CTNNA2: variants seen among roughly 807,000 people sequenced by gnomAD.
The protein encoded by CTNNA2 is catenin alpha 2.
In CTNNA2, 42 loss-of-function variants were observed where a neutral mutation model predicts 101.0. That is an observed-to-expected ratio of 0.42 (90% CI 0.32 to 0.54). The LOEUF (loss-of-function observed/expected upper bound fraction) is 0.54, where lower values mean the gene tolerates loss of function less well. Among genes scored for constraint, CTNNA2 ranks in the 20% least tolerant of loss-of-function variants. CTNNA2 has a pLI of 0.14. For missense variants in CTNNA2, 871 were observed against 1,223.1 expected (o/e 0.71, Z 4.29); for synonymous variants, 450 against 456.4 (o/e 0.99, Z 0.18).
intron 7 of CTNNA2, among the ~76,000 whole-genome samples, chr2:80,204,752 C>T (rs1255491431): frequency 6.6e-6 from 1 of 151,630 alleles, no homozygotes; most frequent in East Asian, 1.9e-4. Flanking sequence ...GCGCCCCACT[C>T]TACTGGTACC....
intron 7 of CTNNA2, among the ~76,000 whole-genome samples, chr2:79,968,841 T>A (rs1038262624): frequency 1.3e-5 from 2 of 151,980 alleles, no homozygotes; most frequent in African/African-American, 4.8e-5. Context: ...TTTTTTTTTT[T>A]ACTTTGAATC....
At chr2:79,700,521 C>T (rs1684934344) in intron 2 of CTNNA2, among the ~76,000 whole-genome samples, 1 of 152,094 alleles carries the variant, frequency 6.6e-6, no homozygotes, top group Non-Finnish European at 1.5e-5. Flanking sequence ...CCGCTGGGAT[C>T]AAGGGGCCTA....
chr2:79,280,701 G>GAGAGAGAGAGAGAGAGAGAGAC (rs142826852), intron 2 of CTNNA2, among the ~76,000 whole-genome samples: 2 of 147,256 alleles, frequency 1.4e-5, no homozygotes, highest in Non-Finnish European at 3.0e-5. Context: ...GAGAGAGAGA[G>GAGAGAGAGAGAGAGAGAGAGAC]ACCTATAGCT....
At chr2:80,545,242 C>A (rs2149630142) in intron 10 of CTNNA2, among the ~76,000 whole-genome samples, 168 bp downstream of exon 10, 1 of 152,322 alleles carries the variant, frequency 6.6e-6, no homozygotes, top group Admixed American at 6.5e-5. Flanking sequence ...ATACCAGTCT[C>A]TTCAGAATTA....
chr2:80,608,650 T>TTTG (rs1324689709), intron 17 of CTNNA2, among the ~76,000 whole-genome samples: 1 of 151,790 alleles, frequency 6.6e-6, no homozygotes, highest in East Asian at 1.9e-4. Context: ...TCTACTTCCT[T>TTTG]TTGTTAGTCC....
Position 79,539,077 on chromosome 2 carries a change from G to T in CTNNA2, c.-6+25870G>T, listed in dbSNP as rs548239023. Among the ~76,000 whole-genome samples the T allele has an allele frequency of 7.2e-4, 110 of 152,280 alleles. 1 individual carries two copies. The South Asian group carries it at 0.012, about 16-fold the overall frequency. ...TATCCAAATAATTGCACAGATAATG[G>T]TTAAGAAAAGACTAGCTAGGCAGGC... On this transcript the variant is annotated intron_variant, in intron 1 of 18. Transcript: ENST00000402739.
intron 4 of CTNNA2, among the ~76,000 whole-genome samples, chr2:79,423,292 T>C (rs918290973): frequency 6.6e-6 from 1 of 152,128 alleles, no homozygotes; most frequent in Admixed American, 6.6e-5. Context: ...GTTGCAGACA[T>C]GTAAGTAAAG....
chr2:79,301,382 T>C (rs1345054734), intron 2 of CTNNA2, among the ~76,000 whole-genome samples: 1 of 152,166 alleles, frequency 6.6e-6, no homozygotes, highest in Non-Finnish European at 1.5e-5. Flanking sequence ...CCAAGCTGAC[T>C]CTTGACTGGT....
intron 2 of CTNNA2, among the ~76,000 whole-genome samples, chr2:79,262,301 C>T (rs755877114): frequency 5.9e-5 from 9 of 152,016 alleles, no homozygotes; most frequent in Non-Finnish European, 8.8e-5. Flanking sequence ...GAAAGGATTT[C>T]GTTTTGTCAG....
chr2:79,750,795 C>G (rs529583922), intron 3 of CTNNA2, among the ~76,000 whole-genome samples: 1 of 151,766 alleles, frequency 6.6e-6, no homozygotes, highest in African/African-American at 2.4e-5. Context: ...TCACTTGAAC[C>G]CAGGAGGTGG....
chr2:80,504,009 A>C (rs945502404), intron 9 of CTNNA2, among the ~76,000 whole-genome samples: 5 of 152,188 alleles, frequency 3.3e-5, no homozygotes, highest in African/African-American at 1.2e-4. Context: ...TCAAATTACT[A>C]TAAATTTGGT....
In CTNNA2 at chr2:79,888,381, T is replaced by C. The variant is rs141268504; in HGVS notation, c.852+14039T>C. Among the ~76,000 whole-genome samples, 13 of 152,320 alleles carry C rather than the reference T, an allele frequency of 8.5e-5. No individual in the cohort carries two copies. The East Asian group carries it at 2.5e-3, about 29-fold the overall frequency. On this transcript the variant is annotated intron_variant, in intron 6 of 18. Transcript: ENST00000402739. ...CTTTCCGGGTTATTGACACCTCTTGTATAGGTTATCGATACCTCTGATATT... is the reference window on the plus strand; with the variant it reads ...CTTTCCGGGTTATTGACACCTCTTGCATAGGTTATCGATACCTCTGATATT...
intron 9 of CTNNA2, among the ~76,000 whole-genome samples, chr2:80,513,411 T>C (rs1688864628): frequency 6.6e-6 from 1 of 152,244 alleles, no homozygotes; most frequent in Non-Finnish European, 1.5e-5. Context: ...AGATTCTCTG[T>C]ACCACCTCAG....
intron 4 of CTNNA2, among the ~76,000 whole-genome samples, chr2:79,859,544 A>C (rs2103958763): frequency 6.6e-6 from 1 of 152,304 alleles, no homozygotes; most frequent in East Asian, 1.9e-4. Flanking sequence ...ACATAAAGGT[A>C]GTGTATCTGT....
At chr2:79,514,097 C>G (rs1042684574) in intron 1 of CTNNA2, among the ~76,000 whole-genome samples, 1 of 152,186 alleles carries the variant, frequency 6.6e-6, no homozygotes, top group Non-Finnish European at 1.5e-5. Context: ...CAGAAACTCT[C>G]TAAACTTTAA....
chr2:79,747,211 A>G (rs1671705739), intron 3 of CTNNA2, among the ~76,000 whole-genome samples: 1 of 150,170 alleles, frequency 6.7e-6, no homozygotes, highest in African/African-American at 2.5e-5. Flanking sequence ...TGAAGAGTAT[A>G]TTTGTGTATG....
chr2:79,525,679 G>T (rs977437668), intron 1 of CTNNA2, among the ~76,000 whole-genome samples: 2 of 151,876 alleles, frequency 1.3e-5, no homozygotes, highest in African/African-American at 4.8e-5. Flanking sequence ...TTGAAAACAG[G>T]CATTTTGCTT....
At chr2:79,868,992 G>T (rs1432045219) in intron 4 of CTNNA2, among the ~76,000 whole-genome samples, 4 of 152,146 alleles carry the variant, frequency 2.6e-5, no homozygotes, top group Admixed American at 6.5e-5. Flanking sequence ...ATAACTTAAA[G>T]GTTTACCAAT....
intron 2 of CTNNA2, among the ~76,000 whole-genome samples, chr2:79,274,955 A>G (rs1015748811): frequency 3.3e-5 from 5 of 151,976 alleles, no homozygotes; most frequent in African/African-American, 4.8e-5. Context: ...TATGGTTGAG[A>G]AATTGCTCAT....
Sources: gnomAD v4.1 joint callset for allele counts (sites outside exome capture counted in the v4.1 genomes callset) on GRCh38, gnomAD v4.1.1 for gene constraint, MANE v1.5 for transcripts, NCBI Gene and HGNC (gene_info 2026-07-23, HGNC 2026-07-21) for gene names.